The following CFAP52 variants were observed in gnomAD, a reference collection of about 807,000 sequenced individuals.
CFAP52 encodes cilia- and flagella-associated protein 52.
A neutral mutation model predicts 70.5 loss-of-function variants in CFAP52; 57 were observed. That is an observed-to-expected ratio of 0.81 (90% confidence interval 0.65 to 1.01). The LOEUF is 1.01. Among genes scored for constraint, CFAP52 ranks in the 50% least tolerant of loss-of-function variants. The pLI, the probability that CFAP52 is intolerant of heterozygous loss-of-function variation, is 0.00. For missense variants in CFAP52, 785 were observed against 788.5 expected, an observed-to-expected ratio of 1.00 and a Z score of 0.05; for synonymous variants, 267 against 292.5, an observed-to-expected ratio of 0.91 and a Z score of 0.89.
chr17:9,625,800 T>C (rs1314452284), intron 8 of CFAP52, among the ~76,000 whole-genome samples: 1 of 152,220 alleles, frequency 6.6e-6, no homozygotes, highest in Non-Finnish European at 1.5e-5. Context: ...CCAGTTTTTC[T>C]AATTGTTATT....
chr17:9,577,241 C>T (rs939167324), intron 1 of CFAP52, among the ~76,000 whole-genome samples: 1 of 152,080 alleles, frequency 6.6e-6, no homozygotes, highest in South Asian at 2.1e-4. Context: ...TGGGAGGGAA[C>T]GTGTGTTTGA....
intron 1 of CFAP52, among the ~76,000 whole-genome samples, chr17:9,578,596 T>A (rs12453913): frequency 0.98 from 149,436 of 152,220 alleles, 73,417 homozygotes; most frequent in East Asian, 1. Flanking sequence ...CTCGCTCTGT[T>A]GTGTAATGGC....
At chr17:9,611,137 A>G (rs1231485477) in intron 7 of CFAP52, among the ~76,000 whole-genome samples, 1 of 152,100 alleles carries the variant, frequency 6.6e-6, no homozygotes, top group East Asian at 1.9e-4. Flanking sequence ...AAAACACTGT[A>G]TTTCCCATGC....
intron 10 of CFAP52, among the ~76,000 whole-genome samples, chr17:9,634,056 T>C (rs1280708877): frequency 6.6e-6 from 1 of 152,210 alleles, no homozygotes; most frequent in Non-Finnish European, 1.5e-5. Flanking sequence ...CCATTATTTT[T>C]AAATGATCAT....
intron 4 of CFAP52, among the ~76,000 whole-genome samples, chr17:9,595,523 G>C (rs184228310): frequency 6.6e-6 from 1 of 152,246 alleles, no homozygotes; most frequent in East Asian, 1.9e-4. Context: ...TTTGCAGAGT[G>C]ATTTGACTAA....
chr17:9,583,824 A>G (rs1441615032), intron 1 of CFAP52, among the ~76,000 whole-genome samples: 1 of 152,208 alleles, frequency 6.6e-6, no homozygotes, highest in Non-Finnish European at 1.5e-5. Flanking sequence ...AGGGTTTATA[A>G]TTGTTGAGAT....
intron 1 of CFAP52, among the ~76,000 whole-genome samples, chr17:9,584,707 C>T (rs138717268): frequency 0.01 from 1,571 of 150,220 alleles, 27 homozygotes; most frequent in African/African-American, 0.036. Flanking sequence ...CTGCAACCTC[C>T]GCCTCGTGGG....
At chr17:9,612,651 A>G (rs908398784) in intron 8 of CFAP52, among the ~76,000 whole-genome samples, 172 bp downstream of exon 8, 2 of 152,196 alleles carry the variant, frequency 1.3e-5, no homozygotes, top group African/African-American at 4.8e-5. Flanking sequence ...CCATGCAATT[A>G]TATTAGCTTT....
At chr17:9,578,110 T>C (rs956516566) in intron 1 of CFAP52, among the ~76,000 whole-genome samples, 3 of 151,936 alleles carry the variant, frequency 2.0e-5, no homozygotes, top group South Asian at 2.1e-4. Context: ...AATAAATAAA[T>C]AAACAAACAA....
In CFAP52 at chr17:9,641,844, T is replaced by A. The variant is rs368658792; in HGVS notation, c.1687+9T>A. On this transcript the variant is annotated intron_variant, in intron 13 of 13. Coordinates refer to ENST00000352665, the MANE Select transcript of CFAP52 (RefSeq NM_145054.5). ...GGTGCACTTTGTCACAGGTTAGTCC[T>A]GGGATAGGAAAAAGCCAAGCCTGGC... The A allele has an allele frequency of 6.2e-7, 1 of 1,611,078 alleles. No individual in the cohort carries two copies. Among genetic ancestry groups the A allele is most frequent in the Non-Finnish European group, 8.5e-7 (1 of 1,177,530 alleles).
intron 8 of CFAP52, among the ~76,000 whole-genome samples, chr17:9,624,850 C>T (rs1049497763): frequency 4.6e-5 from 7 of 152,154 alleles, no homozygotes; most frequent in African/African-American, 1.7e-4. Context: ...CCATAGTATG[C>T]ATCATCTGTT....
intron 6 of CFAP52, among the ~76,000 whole-genome samples, chr17:9,603,457 C>T (rs1433998550): frequency 1.3e-5 from 2 of 152,354 alleles, no homozygotes; most frequent in South Asian, 4.1e-4. Context: ...GATCCACCCG[C>T]CTCGGCCTCC....
intron 12 of CFAP52, 95 bp from the exon 13 acceptor site, chr17:9,641,629 C>G (rs1311956218): frequency 4.9e-6 from 4 of 823,488 alleles, no homozygotes; most frequent in South Asian, 3.5e-5. Context: ...TATTTTTGCT[C>G]CCTTCTATAT....
chr17:9,608,239 CAGT>C lies in CFAP52; in HGVS notation c.854+21_854+23del. 6.3e-7 allele frequency: 1 copy of C among 1,592,844 alleles called. No individual in the cohort carries two copies. Among genetic ancestry groups the C allele is most frequent in the Non-Finnish European group, 8.6e-7 (1 of 1,167,300 alleles). On this transcript the variant is annotated intron_variant, in intron 7 of 13. Transcript: ENST00000352665. ...CATCAAGTAAGTTCCGGGTCTCACA[CAGT>C]GGGGCTGGGTAGAGACCCACTAAAC...
At chr17:9,635,587 A>C in intron 11 of CFAP52, 31 bp downstream of exon 11, 13 of 1,613,634 alleles carry the variant, frequency 8.1e-6, no homozygotes, top group Non-Finnish European at 1.1e-5. Context: ...GGATGCAGTG[A>C]TACCTGCAAA....
chr17:9,581,118 C>T (rs1212887670), intron 1 of CFAP52, among the ~76,000 whole-genome samples: 1 of 152,168 alleles, frequency 6.6e-6, no homozygotes, highest in African/African-American at 2.4e-5. Context: ...AGATGGAAAC[C>T]ATCCTGGCTA....
intron 10 of CFAP52, among the ~76,000 whole-genome samples, chr17:9,635,096 G>C (rs943235747): frequency 6.6e-6 from 1 of 152,096 alleles, no homozygotes; most frequent in Non-Finnish European, 1.5e-5. Flanking sequence ...TATTTCACTT[G>C]GTTTTGCGTT....
chr17:9,627,426 G>A (rs1055965133), intron 8 of CFAP52, among the ~76,000 whole-genome samples: 5 of 152,124 alleles, frequency 3.3e-5, no homozygotes, highest in South Asian at 2.1e-4. Flanking sequence ...CAGGAGAATG[G>A]CTTGAACACA....
At chr17:9,581,135 T>C (rs1908208564) in intron 1 of CFAP52, among the ~76,000 whole-genome samples, 1 of 152,098 alleles carries the variant, frequency 6.6e-6, no homozygotes, top group Non-Finnish European at 1.5e-5. Flanking sequence ...GCTAACACGG[T>C]GAAACCCCGT....
Sources: allele counts gnomAD v4.1 joint callset (sites outside exome capture counted in the v4.1 genomes callset), GRCh38; gene constraint gnomAD v4.1.1; transcripts MANE v1.5; gene names NCBI Gene and HGNC (gene_info 2026-07-23, HGNC 2026-07-21).